The following FAP variants were observed in gnomAD, a reference collection of about 807,000 sequenced individuals.
FAP encodes the protein prolyl endopeptidase FAP.
In FAP, 110 loss-of-function variants were observed where a neutral mutation model predicts 126.5. That is an observed-to-expected ratio of 0.87 (90% CI 0.74 to 1.02). The LOEUF (loss-of-function observed/expected upper bound fraction) is 1.02, where lower values mean the gene tolerates loss of function less well. FAP is among the 50% of genes least tolerant of loss of function. The pLI, the probability that FAP is intolerant of heterozygous loss-of-function variation, is 0.00. For missense variants in FAP, 919 were observed against 909.2 expected (o/e 1.01, Z -0.14); for synonymous variants, 334 against 297.3 (o/e 1.12, Z -1.27).
chr2:162,237,028 A>T (rs759403077), intron 2 of FAP, among the ~76,000 whole-genome samples: 4 of 152,150 alleles, frequency 2.6e-5, no homozygotes, highest in Non-Finnish European at 5.9e-5. Context: ...TACTGTTTTT[A>T]TTATTAATGG....
intron 23 of FAP, 107 bp from the exon 24 acceptor site, chr2:162,173,328 C>A: frequency 2.6e-6 from 2 of 781,324 alleles, no homozygotes; most frequent in African/African-American, 1.7e-5. Context: ...TTATGTATTG[C>A]TTTGCTTGAT....
At chr2:162,222,546 G>A (rs961496028) in intron 6 of FAP, among the ~76,000 whole-genome samples, 11 of 152,098 alleles carry the variant, frequency 7.2e-5, no homozygotes, top group African/African-American at 2.7e-4. Flanking sequence ...AAATAGACCA[G>A]AAGATTTTTT....
rs1689660689 is a variant in FAP, at chr2:162,226,585, G to A, written c.128C>T (p.Thr43Ile). 1 of 1,598,036 alleles carries A rather than the reference G, an allele frequency of 6.3e-7. No individual in the cohort carries two copies. Among genetic ancestry groups the A allele is most frequent in the Non-Finnish European group, 8.5e-7 (1 of 1,171,042 alleles). The part of the protein sequence containing the change: ...NSEENTMRAL[T>I]LKDILNGTFS... ...TGTTCCATTTAAAATATCCTTCAGTGTGAGTGCTCTCATTGTATTTTCTTC... is the reference window on the plus strand; with the variant it reads ...TGTTCCATTTAAAATATCCTTCAGTATGAGTGCTCTCATTGTATTTTCTTC... Residue 43 changes from threonine to isoleucine, a missense_variant, in exon 3 of 26, where the codon ACA becomes ATA. Thr to Ile is a moderately conservative substitution (Grantham distance 89). Coordinates refer to ENST00000188790, the MANE Select transcript of FAP (RefSeq NM_004460.5).
Position 162,202,854 on chromosome 2 carries a change from GC to G in FAP, c.1223+17del. 1.3e-6 allele frequency: 2 copies of G among 1,598,742 alleles called. No homozygotes were observed. On this transcript the variant is annotated intron_variant, in intron 14 of 25. Coordinates refer to ENST00000188790, the MANE Select transcript of FAP (RefSeq NM_004460.5). ...AATTAAAACCTGAATGGTGCATCGT[GC>G]TTCGTGCAATACTTACAGTGAATCC... is the stretch of plus-strand genomic sequence containing the variant.
At chr2:162,228,810 T>G (rs1431282859) in intron 2 of FAP, among the ~76,000 whole-genome samples, 2 of 152,170 alleles carry the variant, frequency 1.3e-5, no homozygotes, top group East Asian at 3.8e-4. Flanking sequence ...TGCCAAGTAT[T>G]GTATTTAATT....
chr2:162,218,454 T>G (rs1334920532), intron 8 of FAP, among the ~76,000 whole-genome samples: 1 of 151,986 alleles, frequency 6.6e-6, no homozygotes, highest in Admixed American at 6.6e-5. Flanking sequence ...TTTAGTCACC[T>G]AAGATAGCCA....
chr2:162,178,636 G>C (rs1432382471), intron 21 of FAP, among the ~76,000 whole-genome samples: 1 of 152,114 alleles, frequency 6.6e-6, no homozygotes, highest in Non-Finnish European at 1.5e-5. Flanking sequence ...AGTGGGCTTT[G>C]TTTTATGTGA....
At chr2:162,209,084 GT>G (rs1221918435) in intron 12 of FAP, among the ~76,000 whole-genome samples, 1 of 151,904 alleles carries the variant, frequency 6.6e-6, no homozygotes, top group African/African-American at 2.4e-5. Flanking sequence ...GCCAATTTGA[GT>G]TTAAATTTTT....
intron 16 of FAP, chr2:162,197,599 G>A (rs897992373): frequency 2.2e-6 from 1 of 456,620 alleles, no homozygotes; most frequent in Admixed American, 2.3e-5. Flanking sequence ...GGGAGAATTT[G>A]GGTTAAAATG....
chr2:162,195,083 G>T, intron 16 of FAP: 1 of 303,408 alleles, frequency 3.3e-6, no homozygotes, highest in Non-Finnish European at 6.3e-6. Context: ...GCTGTATTGG[G>T]CCAGTTTTGG....
intron 2 of FAP, among the ~76,000 whole-genome samples, chr2:162,236,460 T>G (rs1460523580): frequency 7.2e-5 from 11 of 152,022 alleles, no homozygotes; most frequent in Non-Finnish European, 1.2e-4. Context: ...TTTTTTTTTT[T>G]TGTGGGAAGT....
chr2:162,209,000 T>C (rs1228643744), intron 12 of FAP, among the ~76,000 whole-genome samples: 1 of 152,054 alleles, frequency 6.6e-6, no homozygotes, highest in Non-Finnish European at 1.5e-5. Flanking sequence ...CAAAATCAAC[T>C]GGATCCAGAA....
intron 2 of FAP, among the ~76,000 whole-genome samples, chr2:162,241,846 A>G (rs1406655659): frequency 2.0e-5 from 3 of 152,208 alleles, no homozygotes; most frequent in Non-Finnish European, 4.4e-5. Context: ...TGAAGATATC[A>G]GCTGACTTCA....
intron 17 of FAP, among the ~76,000 whole-genome samples, chr2:162,191,031 T>C (rs1688022496): frequency 6.6e-6 from 1 of 152,140 alleles, no homozygotes; most frequent in Admixed American, 6.6e-5. Context: ...GTAAAATGAA[T>C]ACACAATTCT....
chr2:162,233,846 T>C (rs1003945616), intron 2 of FAP, among the ~76,000 whole-genome samples: 1 of 152,232 alleles, frequency 6.6e-6, no homozygotes, highest in Non-Finnish European at 1.5e-5. Context: ...AGTTTTTAGC[T>C]CTTACATTTA....
chr2:162,173,231 A>G lies in FAP; in HGVS notation c.2035-10T>C, dbSNP rs752518244. 6.2e-7 allele frequency: 1 copy of G among 1,609,594 alleles called. No homozygotes were observed. Among genetic ancestry groups the G allele is most frequent in the South Asian group, 1.1e-5 (1 of 91,002 alleles). Reference sequence around the variant, plus strand: ...CCATCACAGTTGAATTCTGGAAAAGAGAAAAAAATTAACATTTTAGTTGCT... The same window carrying G: ...CCATCACAGTTGAATTCTGGAAAAGGGAAAAAAATTAACATTTTAGTTGCT... On this transcript the variant is annotated splice_polypyrimidine_tract_variant and intron_variant, in intron 23 of 25. Coordinates refer to ENST00000188790, the MANE Select transcript of FAP (RefSeq NM_004460.5).
chr2:162,180,917 G>A (rs577581932), intron 21 of FAP, among the ~76,000 whole-genome samples: 10 of 152,146 alleles, frequency 6.6e-5, no homozygotes, highest in African/African-American at 2.2e-4. Flanking sequence ...AGGGTTTGCC[G>A]AAGGAAAGGA....
At chr2:162,225,003 T>G (rs1009836712) in intron 4 of FAP, among the ~76,000 whole-genome samples, 2 of 152,148 alleles carry the variant, frequency 1.3e-5, no homozygotes, top group Non-Finnish European at 2.9e-5. Flanking sequence ...GTGCCCATAC[T>G]TTATAGCTAC....
At chr2:162,180,430 A>G (rs1424230347) in intron 21 of FAP, among the ~76,000 whole-genome samples, 1 of 152,050 alleles carries the variant, frequency 6.6e-6, no homozygotes, top group Non-Finnish European at 1.5e-5. Context: ...TTGGAAATGC[A>G]CTCTCAGGCC....
Sources: gnomAD v4.1 joint callset for allele counts (sites outside exome capture counted in the v4.1 genomes callset) on GRCh38, gnomAD v4.1.1 for gene constraint, MANE v1.5 for transcripts, NCBI Gene and HGNC (gene_info 2026-07-23, HGNC 2026-07-21) for gene names.